Variants in PLCE1 observed in about 807,000 individuals in gnomAD.
PLCE1 encodes 1-phosphatidylinositol 4,5-bisphosphate phosphodiesterase epsilon-1.
Under a neutral mutation model 242.8 loss-of-function variants are expected in PLCE1, and 119 were observed. The observed-to-expected ratio is 0.49, with a 90% CI of 0.42 to 0.57. The LOEUF (loss-of-function observed/expected upper bound fraction) is 0.57, where lower values mean the gene tolerates loss of function less well. PLCE1 is among the 20% of genes least tolerant of loss of function. PLCE1 has a pLI of 0.00. For synonymous variants in PLCE1, 945 were observed against 1,017.4 expected, an observed-to-expected ratio of 0.93 and a Z score of 1.35; for missense variants, 2,441 against 2,788.8, an observed-to-expected ratio of 0.88 and a Z score of 2.81.
intron 2 of PLCE1, among the ~76,000 whole-genome samples, chr10:94,049,847 T>C (rs1589918418): frequency 6.6e-6 from 1 of 152,186 alleles, no homozygotes; most frequent in African/African-American, 2.4e-5. Flanking sequence ...TTTTTGAACA[T>C]TATATAAAAG....
At chr10:94,296,927 G>A (rs528008408) in intron 23 of PLCE1, among the ~76,000 whole-genome samples, 3 of 151,518 alleles carry the variant, frequency 2.0e-5, no homozygotes, top group Non-Finnish European at 4.4e-5. Context: ...AGGCTGGAGT[G>A]CAGTGGCGCG....
intron 4 of PLCE1, among the ~76,000 whole-genome samples, chr10:94,195,853 C>G (rs2048804741): frequency 6.6e-6 from 1 of 152,132 alleles, no homozygotes; most frequent in Non-Finnish European, 1.5e-5. Flanking sequence ...GCCTTTTGTT[C>G]TGTCTCTAGC....
chr10:94,202,530 C>T (rs1337090150), intron 4 of PLCE1, among the ~76,000 whole-genome samples: 1 of 152,178 alleles, frequency 6.6e-6, no homozygotes, highest in Non-Finnish European at 1.5e-5. Context: ...TCACAAGGCT[C>T]AGGGCTGCCA....
At position 94,119,063 on chromosome 10, in the gene PLCE1, G is replaced by C. The variant is rs183972492; in HGVS notation, c.1207-13111G>C. ...TAGACAGGAAAAGTCCTAAGTCCTC[G>C]CCCACCCTGTGGGATGCTTCTGAAA... On this transcript the variant is annotated intron_variant, in intron 2 of 32. Transcript: ENST00000371380. Among the ~76,000 whole-genome samples the C allele has an allele frequency of 3.9e-5, 6 of 152,258 alleles. No homozygotes were observed. In the East Asian group the frequency reaches 1.2e-3, roughly 29 times the overall value.
intron 4 of PLCE1, among the ~76,000 whole-genome samples, chr10:94,201,620 C>T (rs1017640412): frequency 1.1e-4 from 16 of 152,138 alleles, no homozygotes; most frequent in African/African-American, 3.6e-4. Flanking sequence ...GGACCACAGG[C>T]GCCTGCCACC....
intron 7 of PLCE1, among the ~76,000 whole-genome samples, chr10:94,236,963 A>C (rs1463622485): frequency 6.6e-6 from 1 of 152,240 alleles, no homozygotes; most frequent in Non-Finnish European, 1.5e-5. Context: ...AAAGAAAAGA[A>C]AAATAAGAAT....
chr10:94,254,097 G>C (rs2050977881), intron 9 of PLCE1, 93 bp from the exon 10 acceptor site: 1 of 878,722 alleles, frequency 1.1e-6, no homozygotes, highest in African/African-American at 1.6e-5. Flanking sequence ...AGTATTGAAG[G>C]TGGGTAGGTC....
intron 20 of PLCE1, among the ~76,000 whole-genome samples, chr10:94,280,905 A>C (rs931522882): frequency 1.3e-5 from 2 of 152,218 alleles, no homozygotes; most frequent in Non-Finnish European, 2.9e-5. Context: ...ATATAATACC[A>C]AACTGTCTGC....
chr10:94,305,153 G>A (rs768429835), intron 25 of PLCE1, among the ~76,000 whole-genome samples: 3 of 152,154 alleles, frequency 2.0e-5, no homozygotes, highest in Non-Finnish European at 2.9e-5. Flanking sequence ...ACCTGGCCAG[G>A]TGCGGTGGCT....
At chr10:94,231,269 G>A (rs748188792) in intron 5 of PLCE1, among the ~76,000 whole-genome samples, 1 of 152,134 alleles carries the variant, frequency 6.6e-6, no homozygotes, top group Non-Finnish European at 1.5e-5. Context: ...CACACAATAA[G>A]AAACCAGTGA....
At chr10:94,302,448 C>T (rs571713082) in intron 24 of PLCE1, among the ~76,000 whole-genome samples, 1 of 152,190 alleles carries the variant, frequency 6.6e-6, no homozygotes, top group Admixed American at 6.5e-5. Context: ...TTTGGCTTTA[C>T]AGCTTTAAAG....
intron 29 of PLCE1, among the ~76,000 whole-genome samples, chr10:94,321,424 G>T (rs1452155602): frequency 1.3e-5 from 2 of 152,174 alleles, no homozygotes; most frequent in East Asian, 3.9e-4. Flanking sequence ...ACAAGGTCAG[G>T]AGTTCAAGAC....
intron 14 of PLCE1, 68 bp from the exon 15 acceptor site, chr10:94,265,579 G>T: frequency 7.9e-7 from 1 of 1,263,744 alleles, no homozygotes; most frequent in Non-Finnish European, 1.2e-6. Flanking sequence ...AAAAAATGAT[G>T]TGGTGGTTTC....
intron 2 of PLCE1, among the ~76,000 whole-genome samples, chr10:94,110,063 T>TTTTC (rs2045901513): frequency 2.8e-5 from 3 of 107,746 alleles, no homozygotes; most frequent in Non-Finnish European, 5.9e-5. Flanking sequence ...TTTTTCTTTT[T>TTTTC]TTTTTTTTTT....
At chr10:94,279,403 T>A (rs2052105250) in intron 19 of PLCE1, 1 of 274,592 alleles carries the variant, frequency 3.6e-6, no homozygotes, top group African/African-American at 2.2e-5. Context: ...AAAAAATGGT[T>A]TCTTAACAGA....
intron 3 of PLCE1, among the ~76,000 whole-genome samples, chr10:94,169,032 C>G (rs2047893976): frequency 6.6e-6 from 1 of 151,952 alleles, no homozygotes; most frequent in African/African-American, 2.4e-5. Flanking sequence ...TAGATAGAAC[C>G]AAATATAATT....
rs754390309 is a variant in PLCE1, at chr10:94,227,435, T to C, written c.1939T>C (p.Phe647Leu). Residue 647 changes from phenylalanine to leucine, a missense_variant, in exon 5 of 33, where the codon TTC (phenylalanine) becomes CTC (leucine). By Grantham distance (22) the Phe-to-Leu change is conservative. Around this residue, in one of 5 missense-constraint regions of PLCE1, gnomAD observed 733 missense variants for 754.2 expected, o/e 0.97. Transcript: ENST00000371380. ...NMGNYNAVME[F>L]LAGLRSRKVL... ...GGGCAACTACAACGCTGTCATGGAG[T>C]TCTTGGCTGGCCTCAGGTATAGTCA... is the stretch of plus-strand genomic sequence containing the variant. The C allele has an allele frequency of 1.2e-6, 2 of 1,613,964 alleles. No homozygotes were observed. The highest frequency in any genetic ancestry group is 1.1e-5 in the South Asian group (1 of 91,074).
intron 2 of PLCE1, among the ~76,000 whole-genome samples, chr10:94,060,605 G>C (rs2044023122): frequency 6.6e-6 from 1 of 151,956 alleles, no homozygotes; most frequent in Admixed American, 6.6e-5. Flanking sequence ...TAGACTCTCT[G>C]ATTGCAAAGT....
At chr10:94,033,580 C>CT (rs1002989513) in intron 2 of PLCE1, among the ~76,000 whole-genome samples, 13 of 152,014 alleles carry the variant, frequency 8.6e-5, no homozygotes, top group East Asian at 1.9e-4. Flanking sequence ...TAATGAATCA[C>CT]TTTTTTTTCC....
Sources: allele counts gnomAD v4.1 joint callset (sites outside exome capture counted in the v4.1 genomes callset), GRCh38; gene constraint gnomAD v4.1.1; regional missense constraint gnomAD v4.1.1; transcripts MANE v1.5; gene names NCBI Gene and HGNC (gene_info 2026-07-23, HGNC 2026-07-21).